Variants in SLC35F1 observed in about 807,000 individuals in gnomAD.
The protein encoded by SLC35F1 is solute carrier family 35 member F1, also known as chromosome 6 open reading frame 169.
In SLC35F1, 14 loss-of-function variants were observed where a neutral mutation model predicts 48.7. That is an observed-to-expected ratio of 0.29 (90% CI 0.19 to 0.45). The LOEUF (loss-of-function observed/expected upper bound fraction) is 0.45. SLC35F1 is among the 20% of genes least tolerant of loss of function. SLC35F1 has a pLI of 1.00. For synonymous variants in SLC35F1, 190 were observed against 202.2 expected (o/e 0.94, Z 0.51); for missense variants, 404 against 500.0 (o/e 0.81, Z 1.83).
intron 2 of SLC35F1, among the ~76,000 whole-genome samples, chr6:118,216,512 T>C (rs539299505): frequency 6.7e-6 from 1 of 150,372 alleles, no homozygotes; most frequent in East Asian, 1.9e-4. Context: ...ATGGAGAATG[T>C]GAACAGAGGA....
At chr6:117,929,869 T>C (rs779003185) in intron 1 of SLC35F1, among the ~76,000 whole-genome samples, 2 of 152,192 alleles carry the variant, frequency 1.3e-5, no homozygotes, top group Non-Finnish European at 2.9e-5. Flanking sequence ...ACAGTGATAA[T>C]GACAATTAAT....
intron 2 of SLC35F1, among the ~76,000 whole-genome samples, chr6:118,230,842 G>C (rs1421964157): frequency 6.6e-6 from 1 of 151,972 alleles, no homozygotes; most frequent in Non-Finnish European, 1.5e-5. Context: ...AAATTAGCTG[G>C]GCTTGCTACT....
chr6:118,047,647 G>A (rs144382232), intron 1 of SLC35F1, among the ~76,000 whole-genome samples: 2 of 151,984 alleles, frequency 1.3e-5, no homozygotes, highest in Non-Finnish European at 2.9e-5. Flanking sequence ...TGTAATAACG[G>A]GAATTTACTT....
chr6:118,192,202 T>A (rs557287528), intron 2 of SLC35F1, among the ~76,000 whole-genome samples: 1 of 152,264 alleles, frequency 6.6e-6, no homozygotes, highest in Non-Finnish European at 1.5e-5. Flanking sequence ...AGCTAAGCAG[T>A]TTCAGTATTC....
Position 118,176,479 on chromosome 6 carries a change from G to A in SLC35F1, c.349+21859G>A, listed in dbSNP as rs148249948. ...CAAAGCACTGGGATTAAAGGCATGAGCCATAGTGCTGGGCCTCTTTTTTTG... is the reference window on the plus strand; with the variant it reads ...CAAAGCACTGGGATTAAAGGCATGAACCATAGTGCTGGGCCTCTTTTTTTG... On this transcript the variant is annotated intron_variant, in intron 2 of 7. Coordinates refer to ENST00000360388, the MANE Select transcript of SLC35F1 (RefSeq NM_001029858.4). Among the ~76,000 whole-genome samples, 318 of 152,196 alleles carry A rather than the reference G, an allele frequency of 2.1e-3. 1 individual carries two copies. The highest frequency in any genetic ancestry group is 2.8e-3 in the Non-Finnish European group (189 of 68,000).
intron 4 of SLC35F1, among the ~76,000 whole-genome samples, chr6:118,267,458 G>A (rs74553712): frequency 0.05 from 7,587 of 152,278 alleles, 661 homozygotes; most frequent in African/African-American, 0.17. Flanking sequence ...TTGGAGGTCA[G>A]TCCGTTCCTG....
Position 118,194,891 on chromosome 6 carries a change from CT to C in SLC35F1, c.349+40281del, listed in dbSNP as rs201560769. 5.8e-4 allele frequency among the ~76,000 whole-genome samples: 87 copies of C among 149,976 alleles called. 1 individual carries two copies. The highest frequency in any genetic ancestry group is 1.7e-3 in the African/African-American group (71 of 40,922). Reference sequence around the variant, plus strand: ...ACCAAGCCACAACACAAAAGAAAATCTTTTTTTTTTCCCCTCTCTGTTTCAT... The same window carrying C: ...ACCAAGCCACAACACAAAAGAAAATCTTTTTTTTTCCCCTCTCTGTTTCAT... On this transcript the variant is annotated intron_variant, in intron 2 of 7. Coordinates refer to ENST00000360388, the MANE Select transcript of SLC35F1 (RefSeq NM_001029858.4).
intron 1 of SLC35F1, among the ~76,000 whole-genome samples, chr6:118,021,903 C>G (rs1365950110): frequency 6.6e-6 from 1 of 152,128 alleles, no homozygotes; most frequent in Non-Finnish European, 1.5e-5. Context: ...TCACTGGGGC[C>G]TCTGTCTTTA....
chr6:117,975,238 C>T (rs905288301), intron 1 of SLC35F1, among the ~76,000 whole-genome samples: 3 of 152,154 alleles, frequency 2.0e-5, no homozygotes, highest in African/African-American at 7.2e-5. Context: ...TGCCCATCCT[C>T]AAATAAATGA....
intron 2 of SLC35F1, among the ~76,000 whole-genome samples, chr6:118,232,849 T>G (rs1315184263): frequency 1.3e-5 from 2 of 152,182 alleles, no homozygotes; most frequent in Non-Finnish European, 2.9e-5. Flanking sequence ...GAATGGCCAT[T>G]GAAAATTAAT....
intron 1 of SLC35F1, among the ~76,000 whole-genome samples, chr6:117,970,468 C>T (rs1776624272): frequency 6.6e-6 from 1 of 152,192 alleles, no homozygotes; most frequent in Non-Finnish European, 1.5e-5. Flanking sequence ...TTCAGTTAGT[C>T]TCTTTTTCTA....
chr6:118,165,447 G>A (rs1382137687), intron 2 of SLC35F1, among the ~76,000 whole-genome samples: 1 of 152,178 alleles, frequency 6.6e-6, no homozygotes, highest in Non-Finnish European at 1.5e-5. Context: ...TTTAAGTCAT[G>A]TCTGGAGTAA....
chr6:118,138,550 A>G (rs1373785663), intron 1 of SLC35F1, among the ~76,000 whole-genome samples: 2 of 152,072 alleles, frequency 1.3e-5, no homozygotes, highest in Non-Finnish European at 2.9e-5. Flanking sequence ...AACAAGGCCA[A>G]CTCTGCCTTT....
At position 118,031,507 on chromosome 6, in the gene SLC35F1, G is replaced by A. The variant is rs1018240567; in HGVS notation, c.174-122938G>A. On this transcript the variant is annotated intron_variant, in intron 1 of 7. Coordinates refer to ENST00000360388, the MANE Select transcript of SLC35F1 (RefSeq NM_001029858.4). ...AGGCTAGTTCTAAGGGGTACATGAA[G>A]AGCGAGTACTCTAAAATCCTAGTGA... 8.5e-5 allele frequency among the ~76,000 whole-genome samples: 13 copies of A among 152,156 alleles called. No individual in the cohort carries two copies. In the East Asian group the frequency reaches 2.5e-3, roughly 29 times the overall value.
intron 1 of SLC35F1, among the ~76,000 whole-genome samples, chr6:117,929,265 G>A (rs1169672425): frequency 6.6e-6 from 1 of 151,718 alleles, no homozygotes; most frequent in African/African-American, 2.4e-5. Flanking sequence ...CAGCACCAGA[G>A]TAAAGCCTTC....
chr6:118,281,998 T>C (rs891791635), intron 6 of SLC35F1, among the ~76,000 whole-genome samples: 1 of 152,226 alleles, frequency 6.6e-6, no homozygotes, highest in Non-Finnish European at 1.5e-5. Flanking sequence ...TAAATCACTT[T>C]AGTGCATAAG....
intron 4 of SLC35F1, among the ~76,000 whole-genome samples, chr6:118,268,243 C>T (rs544280610): frequency 6.6e-6 from 1 of 152,076 alleles, no homozygotes; most frequent in Non-Finnish European, 1.5e-5. Flanking sequence ...AACACAAGGC[C>T]CCCGGCCTCC....
chr6:118,109,653 GA>G (rs71554890), intron 1 of SLC35F1, among the ~76,000 whole-genome samples: 60 of 147,152 alleles, frequency 4.1e-4, no homozygotes, highest in African/African-American at 1.3e-3. Context: ...ACATTTGCTG[GA>G]AAAAAAAAAG....
At chr6:117,995,275 A>G (rs1486074968) in intron 1 of SLC35F1, among the ~76,000 whole-genome samples, 5 of 152,204 alleles carry the variant, frequency 3.3e-5, no homozygotes, top group Non-Finnish European at 5.9e-5. Context: ...TTCCCATTAG[A>G]AAAGTAAGTT....
Sources: allele counts gnomAD v4.1 joint callset (sites outside exome capture counted in the v4.1 genomes callset), GRCh38; gene constraint gnomAD v4.1.1; transcripts MANE v1.5; gene names NCBI Gene and HGNC (gene_info 2026-07-23, HGNC 2026-07-21).